NEGR1: variants seen among roughly 807,000 people sequenced by gnomAD.
NEGR1 encodes the protein neuronal growth regulator 1, also known as IgLON family member 4.
Under a neutral mutation model 40.9 loss-of-function variants are expected in NEGR1, and 10 were observed. The observed-to-expected ratio is 0.24, with a 90% confidence interval of 0.15 to 0.42. NEGR1 has a LOEUF of 0.42. Among genes scored for constraint, NEGR1 ranks in the 10% least tolerant of loss-of-function variants. The pLI is 1.00. For missense variants in NEGR1, 352 were observed against 438.9 expected (o/e 0.80, Z 1.77); for synonymous variants, 185 against 166.8 (o/e 1.11, Z -0.84).
chr1:71,788,591 T>C (rs1656995764), intron 2 of NEGR1, among the ~76,000 whole-genome samples: 1 of 152,126 alleles, frequency 6.6e-6, no homozygotes, highest in South Asian at 2.1e-4. Flanking sequence ...TTAATTCTCT[T>C]TAACGCCTTG....
At chr1:71,705,923 A>G (rs1653880221) in intron 3 of NEGR1, among the ~76,000 whole-genome samples, 1 of 128,438 alleles carries the variant, frequency 7.8e-6, no homozygotes, top group Non-Finnish European at 1.7e-5. Context: ...CCAAGACAGC[A>G]GAATAGAAAG....
At chr1:71,950,007 C>T (rs1253862360) in intron 1 of NEGR1, among the ~76,000 whole-genome samples, 1 of 151,962 alleles carries the variant, frequency 6.6e-6, no homozygotes, top group South Asian at 2.1e-4. Context: ...AGAAAATCTA[C>T]ATAAGTTAAC....
chr1:72,183,656 T>A (rs1158892588), intron 1 of NEGR1, among the ~76,000 whole-genome samples: 1 of 152,160 alleles, frequency 6.6e-6, no homozygotes, highest in African/African-American at 2.4e-5. Context: ...GTGTTGAGGA[T>A]ATTACTATAC....
At chr1:71,492,789 A>AGACATACTGT (rs371053946) in intron 6 of NEGR1, among the ~76,000 whole-genome samples, 81 of 152,180 alleles carry the variant, frequency 5.3e-4, no homozygotes, top group African/African-American at 1.9e-3. Context: ...ATTCAACGAC[A>AGACATACTGT]GACATACTGT....
At chr1:72,091,203 G>A (rs1648476471) in intron 1 of NEGR1, among the ~76,000 whole-genome samples, 1 of 152,106 alleles carries the variant, frequency 6.6e-6, no homozygotes, top group African/African-American at 2.4e-5. Context: ...ACTCTTCAGT[G>A]TTTGAAATGA....
intron 1 of NEGR1, among the ~76,000 whole-genome samples, chr1:72,018,771 G>C (rs989706165): frequency 2.6e-5 from 4 of 152,150 alleles, no homozygotes; most frequent in African/African-American, 9.7e-5. Context: ...GGGCAGGAGG[G>C]GAGGAGAAGG....
intron 2 of NEGR1, among the ~76,000 whole-genome samples, chr1:71,799,933 C>T (rs964825278): frequency 2.6e-5 from 4 of 152,086 alleles, no homozygotes; most frequent in Admixed American, 6.6e-5. Context: ...AGAATGGTCT[C>T]GATCTCCTGT....
chr1:72,132,653 A>G (rs530589233), intron 1 of NEGR1, among the ~76,000 whole-genome samples: 2 of 152,334 alleles, frequency 1.3e-5, no homozygotes, highest in South Asian at 4.1e-4. Context: ...TGAGAAGAGC[A>G]ATACCTACTT....
intron 1 of NEGR1, among the ~76,000 whole-genome samples, chr1:72,132,981 T>C (rs1650314595): frequency 6.6e-6 from 1 of 152,180 alleles, no homozygotes. Context: ...ATTTCTCTTT[T>C]AGCTTCTTTT....
At chr1:71,823,086 C>A (rs907066553) in intron 2 of NEGR1, among the ~76,000 whole-genome samples, 1 of 151,926 alleles carries the variant, frequency 6.6e-6, no homozygotes. Context: ...TAATGTACCT[C>A]TATGTAAACA....
chr1:71,738,539 C>T (rs540129896), intron 3 of NEGR1, among the ~76,000 whole-genome samples: 1 of 152,258 alleles, frequency 6.6e-6, no homozygotes, highest in East Asian at 1.9e-4. Context: ...TGGGACACTA[C>T]TTTCCTTTTC....
chr1:72,084,961 G>T (rs1648155594), intron 1 of NEGR1, among the ~76,000 whole-genome samples: 1 of 152,190 alleles, frequency 6.6e-6, no homozygotes, highest in African/African-American at 2.4e-5. Context: ...ATTCAGGTTA[G>T]GACCTTTTTG....
chr1:71,962,746 C>CTT (rs1646175918), intron 1 of NEGR1, among the ~76,000 whole-genome samples: 1 of 150,020 alleles, frequency 6.7e-6, no homozygotes, highest in Non-Finnish European at 1.5e-5. Context: ...TGGACTTAGA[C>CTT]TTTACTCTGT....
At chr1:72,117,241 A>G (rs1649616725) in intron 1 of NEGR1, among the ~76,000 whole-genome samples, 1 of 151,796 alleles carries the variant, frequency 6.6e-6, no homozygotes, top group African/African-American at 2.4e-5. Flanking sequence ...GGTCTTAGTT[A>G]TTTGTCTAAT....
chr1:71,479,584 T>C (rs941294384), intron 6 of NEGR1, among the ~76,000 whole-genome samples: 2 of 151,982 alleles, frequency 1.3e-5, no homozygotes, highest in Non-Finnish European at 2.9e-5. Flanking sequence ...CAATCCTACA[T>C]TGTGATGGGC....
At position 72,259,440 on chromosome 1, in the gene NEGR1, T is replaced by C. The variant is rs563463442; in HGVS notation, c.176+22879A>G. 3.3e-5 allele frequency among the ~76,000 whole-genome samples: 5 copies of C among 152,238 alleles called. No homozygotes were observed. The South Asian group carries it at 8.3e-4, about 25-fold the overall frequency. On this transcript the variant is annotated intron_variant, in intron 1 of 6. Coordinates refer to ENST00000357731, the MANE Select transcript of NEGR1 (RefSeq NM_173808.3). ...TTTATTATATGTTCTTCAAACTCCC[T>C]TTCTCCTGTACACAATAACGACTCT...
intron 6 of NEGR1, among the ~76,000 whole-genome samples, chr1:71,474,346 G>A (rs1305591691): frequency 6.7e-6 from 1 of 150,308 alleles, no homozygotes; most frequent in East Asian, 2.0e-4. Flanking sequence ...AACAGCATGA[G>A]GAAGACTGTG....
At chr1:71,495,649 C>T (rs966711830) in intron 6 of NEGR1, among the ~76,000 whole-genome samples, 4 of 151,906 alleles carry the variant, frequency 2.6e-5, no homozygotes, top group East Asian at 1.9e-4. Flanking sequence ...GCTGACATTA[C>T]GATAAGTACC....
chr1:71,854,713 G>A (rs1659708573), intron 2 of NEGR1, among the ~76,000 whole-genome samples: 1 of 152,032 alleles, frequency 6.6e-6, no homozygotes, highest in Non-Finnish European at 1.5e-5. Context: ...AAGGCAGTAG[G>A]ACAGAGAGAG....
Sources: allele counts gnomAD v4.1 joint callset (sites outside exome capture counted in the v4.1 genomes callset), GRCh38; gene constraint gnomAD v4.1.1; transcripts MANE v1.5; gene names NCBI Gene and HGNC (gene_info 2026-07-23, HGNC 2026-07-21).